VPS13B: variants seen among roughly 807,000 people sequenced by gnomAD.
VPS13B encodes the protein vacuolar protein sorting 13 homolog B.
A neutral mutation model predicts 426.4 loss-of-function variants in VPS13B; 285 were observed. The observed-to-expected ratio is 0.67, with a 90% CI of 0.61 to 0.74. VPS13B has a LOEUF of 0.74. Ranked by LOEUF, VPS13B falls within the 30% of genes least tolerant of loss-of-function variation. The pLI is 0.00. For synonymous variants in VPS13B, 1,676 were observed against 1,676.4 expected, an observed-to-expected ratio of 1.00 and a Z score of 0.01; for missense variants, 4,537 against 4,782.6, an observed-to-expected ratio of 0.95 and a Z score of 1.51.
Position 99,849,753 on chromosome 8 carries a change from AG to A in VPS13B, c.10061+862del, listed in dbSNP as rs145025978. On this transcript the variant is annotated intron_variant, in intron 55 of 61. Coordinates refer to ENST00000357162, the MANE Select transcript of VPS13B (RefSeq NM_152564.5). Reference sequence around the variant, plus strand: ...ATTCAAAGTAAAAATGCCCATCCATAGGGAAATAGATGATACATAATTGTAC... The same window carrying A: ...ATTCAAAGTAAAAATGCCCATCCATAGGAAATAGATGATACATAATTGTAC... Among the ~76,000 whole-genome samples, 629 of 152,310 alleles carry A rather than the reference AG, an allele frequency of 4.1e-3. 2 individuals carry two copies. The highest frequency in any genetic ancestry group is 6.5e-3 in the Non-Finnish European group (439 of 68,004).
chr8:99,680,228 G>A (rs908489894), intron 35 of VPS13B, among the ~76,000 whole-genome samples: 2 of 152,146 alleles, frequency 1.3e-5, no homozygotes, highest in Non-Finnish European at 2.9e-5. Context: ...GTAATATGAT[G>A]ACTAATGGGT....
chr8:99,718,057 G>A (rs545684483), intron 37 of VPS13B, among the ~76,000 whole-genome samples: 19 of 151,504 alleles, frequency 1.3e-4, no homozygotes, highest in African/African-American at 2.9e-4. Context: ...TGGAATTGCC[G>A]GGTTGAATTT....
At chr8:99,862,959 C>T (rs1389667215) in intron 58 of VPS13B, among the ~76,000 whole-genome samples, 1 of 152,202 alleles carries the variant, frequency 6.6e-6, no homozygotes, top group Non-Finnish European at 1.5e-5. Flanking sequence ...GGTAAGGGAG[C>T]AACCTTCTTG....
chr8:99,085,854 G>T (rs188905098), intron 3 of VPS13B, among the ~76,000 whole-genome samples: 1 of 152,148 alleles, frequency 6.6e-6, no homozygotes, highest in African/African-American at 2.4e-5. Flanking sequence ...TGGGTAACCC[G>T]ACCTTTCTTT....
chr8:99,795,762 G>A lies in VPS13B; in HGVS notation c.7941+11286G>A, dbSNP rs192770777. 1.1e-4 allele frequency among the ~76,000 whole-genome samples: 17 copies of A among 152,324 alleles called. No homozygotes were observed. The East Asian group carries it at 3.1e-3, about 28-fold the overall frequency. The stretch of plus-strand genomic sequence containing the variant: ...ACATGCCTTTTGGTAGGAGGCCTCA[G>A]CACTCCACTACAGGGATCTCTCCAG... On this transcript the variant is annotated intron_variant, in intron 43 of 61. Coordinates refer to ENST00000357162, the MANE Select transcript of VPS13B (RefSeq NM_152564.5).
At chr8:99,759,858 A>G (rs1810837007) in intron 39 of VPS13B, among the ~76,000 whole-genome samples, 1 of 152,044 alleles carries the variant, frequency 6.6e-6, no homozygotes, top group Non-Finnish European at 1.5e-5. Context: ...CTTACATACT[A>G]CTCTGTTGCC....
chr8:99,622,437 T>A (rs1251343658), intron 33 of VPS13B, among the ~76,000 whole-genome samples: 28 of 152,162 alleles, frequency 1.8e-4, no homozygotes, highest in Admixed American at 1.8e-3. Context: ...CAAGCAGGAA[T>A]TTTCCTTAAT....
chr8:99,334,565 C>T lies in VPS13B; in HGVS notation c.2825-49643C>T, dbSNP rs200251385. Among the ~76,000 whole-genome samples the T allele has an allele frequency of 2.1e-4, 32 of 152,040 alleles. 1 individual carries two copies. In the Middle Eastern group the frequency reaches 0.024, roughly 113 times the overall value. On this transcript the variant is annotated intron_variant, in intron 19 of 61. Coordinates refer to ENST00000357162, the MANE Select transcript of VPS13B (RefSeq NM_152564.5). ...TTTATTGAGAGTTTTTAGCGTGAAG[C>T]GTTGTTGAATTTTGTCAAAGGCCTT...
At chr8:99,753,222 G>C (rs1358573398) in intron 39 of VPS13B, among the ~76,000 whole-genome samples, 1 of 152,110 alleles carries the variant, frequency 6.6e-6, no homozygotes, top group African/African-American at 2.4e-5. Flanking sequence ...TTTCTTCAGA[G>C]TTGGAAAGAA....
At chr8:99,239,602 G>A (rs1816813715) in intron 17 of VPS13B, among the ~76,000 whole-genome samples, 2 of 152,100 alleles carry the variant, frequency 1.3e-5, no homozygotes, top group South Asian at 4.1e-4. Flanking sequence ...CTAGATGACA[G>A]TATTTTGGGC....
intron 19 of VPS13B, among the ~76,000 whole-genome samples, chr8:99,336,830 A>G (rs372343013): frequency 6.7e-6 from 1 of 150,352 alleles, no homozygotes; most frequent in East Asian, 2.0e-4. Flanking sequence ...CTCACACCAG[A>G]TAGAATGGCG....
intron 54 of VPS13B, among the ~76,000 whole-genome samples, chr8:99,846,138 T>G (rs996433499): frequency 3.3e-5 from 5 of 152,178 alleles, no homozygotes; most frequent in Non-Finnish European, 7.4e-5. Context: ...ATCATCAGCT[T>G]TATCTTTATT....
chr8:99,271,219 T>C (rs1275179469), intron 17 of VPS13B, among the ~76,000 whole-genome samples: 1 of 150,250 alleles, frequency 6.7e-6, no homozygotes, highest in African/African-American at 2.5e-5. Context: ...CTACTACTAC[T>C]ACTACTACTA....
At position 99,684,863 on chromosome 8, in the gene VPS13B, G is replaced by A. The variant is rs190453985; in HGVS notation, c.6047-14662G>A. Among the ~76,000 whole-genome samples the A allele has an allele frequency of 2.6e-5, 4 of 152,308 alleles. No individual in the cohort carries two copies. The East Asian group carries it at 5.8e-4, about 22-fold the overall frequency. ...CTGTCGCCCAGGCTGGAGTGCAGTG[G>A]CACGATCTTGGCTTACTGCAACCTT... On this transcript the variant is annotated intron_variant, in intron 35 of 61. Coordinates refer to ENST00000357162, the MANE Select transcript of VPS13B (RefSeq NM_152564.5).
intron 17 of VPS13B, 111 bp from the exon 18 acceptor site, chr8:99,274,087 A>G (rs1341891686): frequency 2.1e-6 from 3 of 1,432,954 alleles, no homozygotes; most frequent in Non-Finnish European, 2.9e-6. Flanking sequence ...ATACTGTAAG[A>G]ACATCTGAGG....
At chr8:99,101,214 C>T (rs1846722330) in intron 4 of VPS13B, among the ~76,000 whole-genome samples, 1 of 152,162 alleles carries the variant, frequency 6.6e-6, no homozygotes. Flanking sequence ...TCACTGCAAG[C>T]TCCGCCTCCT....
chr8:99,414,385 A>G (rs966024742), intron 21 of VPS13B, among the ~76,000 whole-genome samples: 1 of 151,848 alleles, frequency 6.6e-6, no homozygotes, highest in Non-Finnish European at 1.5e-5. Context: ...TTGCCAGTCT[A>G]TATCTTTTAA....
intron 19 of VPS13B, among the ~76,000 whole-genome samples, chr8:99,374,562 G>A (rs987639134): frequency 4.2e-4 from 64 of 151,914 alleles, no homozygotes; most frequent in African/African-American, 1.3e-3. Flanking sequence ...ATTTCTTCTG[G>A]CTTTTTTATA....
intron 23 of VPS13B, among the ~76,000 whole-genome samples, chr8:99,454,245 C>T (rs755126171): frequency 1.5e-4 from 23 of 152,008 alleles, no homozygotes; most frequent in Non-Finnish European, 2.9e-4. Flanking sequence ...AGTGTAGTGG[C>T]ACAATCATAG....
Sources: allele counts gnomAD v4.1 joint callset (sites outside exome capture counted in the v4.1 genomes callset), GRCh38; gene constraint gnomAD v4.1.1; transcripts MANE v1.5; gene names NCBI Gene and HGNC (gene_info 2026-07-23, HGNC 2026-07-21).